Variants in RALGAPA1 observed in about 807,000 individuals in gnomAD.
RALGAPA1 encodes Ral GTPase activating protein catalytic subunit alpha 1.
RALGAPA1 carries 52 observed loss-of-function variants against 269.6 expected under a neutral mutation model. The ratio of observed to expected loss-of-function variants is 0.19; its 90% confidence interval spans 0.15 to 0.24. The LOEUF (loss-of-function observed/expected upper bound fraction) is 0.24, where lower values mean the gene tolerates loss of function less well. Among genes scored for constraint, RALGAPA1 ranks in the 10% least tolerant of loss-of-function variants. RALGAPA1 has a pLI of 1.00. For synonymous variants in RALGAPA1, 817 were observed against 1,008.3 expected, an observed-to-expected ratio of 0.81 and a Z score of 3.60; for missense variants, 1,917 against 3,013.9, an observed-to-expected ratio of 0.64 and a Z score of 8.52.
chr14:35,664,258 T>C (rs1362948701), intron 27 of RALGAPA1, among the ~76,000 whole-genome samples: 1 of 152,220 alleles, frequency 6.6e-6, no homozygotes, highest in East Asian at 1.9e-4. Context: ...ATTACTATGT[T>C]TGACTCATCA....
chr14:35,587,932 G>C (rs1479090513), intron 37 of RALGAPA1, among the ~76,000 whole-genome samples: 1 of 152,052 alleles, frequency 6.6e-6, no homozygotes, highest in Non-Finnish European at 1.5e-5. Context: ...TTTTGAGACA[G>C]AGTCTCACTC....
At chr14:35,750,765 T>C (rs2072607279) in intron 8 of RALGAPA1, 75 bp from the exon 9 acceptor site, 1 of 1,214,828 alleles carries the variant, frequency 8.2e-7, no homozygotes, top group South Asian at 1.5e-5. Context: ...CATTTTTAAA[T>C]ACTTGAGAAA....
chr14:35,793,594 A>AC (rs1491392108), intron 1 of RALGAPA1, among the ~76,000 whole-genome samples: 9 of 139,150 alleles, frequency 6.5e-5, no homozygotes, highest in East Asian at 2.4e-4. Context: ...ATACACACAC[A>AC]AACACACACA....
chr14:35,585,476 T>C (rs149867904), intron 37 of RALGAPA1, among the ~76,000 whole-genome samples: 1 of 152,314 alleles, frequency 6.6e-6, no homozygotes, highest in East Asian at 1.9e-4. Context: ...GTGGTGATGG[T>C]TGCAAAGCAC....
chr14:35,624,593 T>C (rs1257492340), intron 35 of RALGAPA1, among the ~76,000 whole-genome samples: 1 of 141,444 alleles, frequency 7.1e-6, no homozygotes, highest in Non-Finnish European at 1.6e-5. Flanking sequence ...GAAGTACAAA[T>C]AGAAAAAAAA....
intron 1 of RALGAPA1, among the ~76,000 whole-genome samples, chr14:35,795,939 C>G (rs984353800): frequency 6.6e-6 from 1 of 151,626 alleles, no homozygotes; most frequent in Admixed American, 6.6e-5. Context: ...GACCCTGCCC[C>G]CAAAAACAGA....
At chr14:35,755,514 G>C (rs867368207) in intron 7 of RALGAPA1, among the ~76,000 whole-genome samples, 6 of 152,194 alleles carry the variant, frequency 3.9e-5, no homozygotes, top group African/African-American at 1.2e-4. Context: ...ATCAATTATA[G>C]CTCAATAAAT....
chr14:35,804,199 T>A (rs1423897975), intron 1 of RALGAPA1, among the ~76,000 whole-genome samples: 1 of 151,614 alleles, frequency 6.6e-6, no homozygotes, highest in Non-Finnish European at 1.5e-5. Context: ...GAGGTGGACG[T>A]TGCAGTGAGC....
chr14:35,576,023 T>C (rs562081227), intron 37 of RALGAPA1, among the ~76,000 whole-genome samples: 1 of 152,386 alleles, frequency 6.6e-6, no homozygotes, highest in East Asian at 1.9e-4. Context: ...ATATATTTTC[T>C]GTTATCTGAA....
At chr14:35,568,689 G>A (rs886538397) in intron 39 of RALGAPA1, among the ~76,000 whole-genome samples, 1 of 152,156 alleles carries the variant, frequency 6.6e-6, no homozygotes, top group African/African-American at 2.4e-5. Context: ...ATTGCTGGCT[G>A]AGCTCAGCAG....
At chr14:35,741,466 G>GTA (rs2071547274) in intron 11 of RALGAPA1, among the ~76,000 whole-genome samples, 1 of 151,394 alleles carries the variant, frequency 6.6e-6, no homozygotes, top group Non-Finnish European at 1.5e-5. Flanking sequence ...ACATATACAC[G>GTA]TATACACACA....
chr14:35,555,892 A>G (rs752988117), intron 39 of RALGAPA1, among the ~76,000 whole-genome samples: 29 of 152,214 alleles, frequency 1.9e-4, no homozygotes, highest in Non-Finnish European at 3.5e-4. Flanking sequence ...TAGGCCTTTT[A>G]GTTATGTCAA....
intron 37 of RALGAPA1, among the ~76,000 whole-genome samples, chr14:35,574,012 T>C (rs986109846): frequency 1.3e-5 from 2 of 152,206 alleles, no homozygotes; most frequent in East Asian, 1.9e-4. Context: ...CATGTTACAA[T>C]AGCAGCCAGA....
intron 41 of RALGAPA1, chr14:35,541,880 A>C (rs1386446672): frequency 4.2e-6 from 2 of 475,600 alleles, no homozygotes; most frequent in Non-Finnish European, 8.2e-6. Context: ...CAGATATGAG[A>C]GACACAGTGC....
intron 31 of RALGAPA1, among the ~76,000 whole-genome samples, chr14:35,644,774 G>A (rs1283341602): frequency 4.6e-5 from 7 of 152,086 alleles, no homozygotes; most frequent in Admixed American, 2.6e-4. Context: ...GTTGGTGGGG[G>A]AAGGTGAGGG....
intron 16 of RALGAPA1, among the ~76,000 whole-genome samples, chr14:35,704,387 T>C (rs2067619973): frequency 6.6e-6 from 1 of 152,156 alleles, no homozygotes; most frequent in Admixed American, 6.5e-5. Context: ...ACAAAATTTA[T>C]CTTAAAGCCA....
At chr14:35,572,510 C>A in intron 38 of RALGAPA1, 50 bp downstream of exon 38, 1 of 1,430,448 alleles carries the variant, frequency 7.0e-7, no homozygotes, top group Non-Finnish European at 9.4e-7. Flanking sequence ...ACCCATGAAC[C>A]CCTATAGAAC....
rs531582954 is a variant in RALGAPA1 at position 35,715,925 on chromosome 14, G to A, written c.2266+5763C>T. Reference sequence around the variant, plus strand: ...TTGGTCAAGGAAATGAGTAAGAAGAGTCTTAGAGGTTTCTCTATTTGCAAA... The same window carrying A: ...TTGGTCAAGGAAATGAGTAAGAAGAATCTTAGAGGTTTCTCTATTTGCAAA... On this transcript the variant is annotated intron_variant, in intron 16 of 41. Transcript: ENST00000680220. 40 of 985,270 alleles carry A rather than the reference G, an allele frequency of 4.1e-5. No homozygotes were observed. In the South Asian group the frequency reaches 1.8e-3, roughly 44 times the overall value. The allele number at this position is 985,270 out of a possible 1,614,324, so 61.0% of individuals were successfully genotyped here.
At chr14:35,693,024 T>C (rs2066621108) in intron 17 of RALGAPA1, among the ~76,000 whole-genome samples, 1 of 151,986 alleles carries the variant, frequency 6.6e-6, no homozygotes, top group Admixed American at 6.5e-5. Context: ...AAGTGACTTG[T>C]CCAAAATTAC....
Sources: gnomAD v4.1 joint callset for allele counts (sites outside exome capture counted in the v4.1 genomes callset) on GRCh38, gnomAD v4.1.1 for gene constraint, MANE v1.5 for transcripts, NCBI Gene and HGNC (gene_info 2026-07-23, HGNC 2026-07-21) for gene names.